Variants in ADAM18 observed in about 807,000 individuals in gnomAD.
The protein encoded by ADAM18 is disintegrin and metalloproteinase domain-containing protein 18.
In ADAM18, 117 loss-of-function variants were observed where a neutral mutation model predicts 94.4. That is an observed-to-expected ratio of 1.24 (90% CI 1.07 to 1.45). ADAM18 has a LOEUF of 1.45. Ranked by LOEUF, ADAM18 falls within the 40% of genes most tolerant of loss-of-function variation. The pLI is 0.00. For synonymous variants in ADAM18, 327 were observed against 291.6 expected (o/e 1.12, Z -1.24); for missense variants, 936 against 880.0 (o/e 1.06, Z -0.81).
intron 2 of ADAM18, among the ~76,000 whole-genome samples, chr8:39,598,111 T>C (rs1235476542): frequency 6.6e-6 from 1 of 152,218 alleles, no homozygotes; most frequent in East Asian, 1.9e-4. Context: ...CTTTTGTATG[T>C]TTACCTTCTA....
At chr8:39,608,537 A>G (rs897079815) in intron 3 of ADAM18, among the ~76,000 whole-genome samples, 11 of 152,126 alleles carry the variant, frequency 7.2e-5, no homozygotes, top group Admixed American at 1.3e-4. Context: ...TTTCTAGAAT[A>G]ACACTTCTGT....
intron 17 of ADAM18, among the ~76,000 whole-genome samples, chr8:39,699,962 C>T (rs545257728): frequency 6.6e-6 from 1 of 152,166 alleles, no homozygotes; most frequent in South Asian, 2.1e-4. Flanking sequence ...AAGAGGGACA[C>T]AAAGATTACA....
intron 17 of ADAM18, among the ~76,000 whole-genome samples, chr8:39,704,059 G>A (rs1822159385): frequency 6.6e-6 from 1 of 151,924 alleles, no homozygotes; most frequent in South Asian, 2.1e-4. Flanking sequence ...CTGAAATTGG[G>A]GCAGTAATAA....
intron 12 of ADAM18, among the ~76,000 whole-genome samples, chr8:39,656,051 C>T (rs2129579837): frequency 6.6e-6 from 1 of 151,746 alleles, no homozygotes; most frequent in African/African-American, 2.4e-5. Flanking sequence ...ATTTTTTGTC[C>T]AAATTCATCA....
chr8:39,596,291 A>C (rs895219380), intron 2 of ADAM18, among the ~76,000 whole-genome samples: 1 of 152,196 alleles, frequency 6.6e-6, no homozygotes, highest in African/African-American at 2.4e-5. Flanking sequence ...TATCATACAG[A>C]ATAAGTTCAC....
intron 12 of ADAM18, among the ~76,000 whole-genome samples, chr8:39,649,380 G>GTATA (rs149372125): frequency 0.013 from 1,977 of 150,140 alleles, 26 homozygotes; most frequent in South Asian, 0.025. Context: ...ACACATACAT[G>GTATA]TATATATATA....
chr8:39,719,421 G>C (rs1303660351), intron 18 of ADAM18, among the ~76,000 whole-genome samples: 2 of 151,180 alleles, frequency 1.3e-5, no homozygotes, highest in Non-Finnish European at 3.0e-5. Flanking sequence ...AGATTTTGTA[G>C]ATATGACACC....
At chr8:39,677,239 T>C (rs181291801) in intron 14 of ADAM18, among the ~76,000 whole-genome samples, 192 bp from the exon 15 acceptor site, 2 of 152,320 alleles carry the variant, frequency 1.3e-5, no homozygotes, top group Admixed American at 1.3e-4. Context: ...TTGCAATAGA[T>C]ATAATCATTT....
intron 4 of ADAM18, 64 bp from the exon 5 acceptor site, chr8:39,609,421 G>C: frequency 9.1e-7 from 1 of 1,098,474 alleles, no homozygotes; most frequent in South Asian, 1.3e-5. Flanking sequence ...CTTCTGACAT[G>C]TTTGACAATA....
At chr8:39,634,464 C>T (rs1381545723) in intron 7 of ADAM18, among the ~76,000 whole-genome samples, 1 of 152,172 alleles carries the variant, frequency 6.6e-6, no homozygotes, top group Non-Finnish European at 1.5e-5. Context: ...ACATGGGCTG[C>T]ACACAGCAAA....
intron 2 of ADAM18, among the ~76,000 whole-genome samples, chr8:39,587,165 T>G (rs956184096): frequency 1.3e-5 from 2 of 152,240 alleles, no homozygotes; most frequent in Admixed American, 1.3e-4. Context: ...ACAGTCGATG[T>G]ACTAAACATA....
intron 7 of ADAM18, among the ~76,000 whole-genome samples, chr8:39,633,000 A>G (rs1031364200): frequency 1.3e-5 from 2 of 152,148 alleles, no homozygotes; most frequent in African/African-American, 4.8e-5. Context: ...TCCTTCCCTC[A>G]TGTATGGGAT....
chr8:39,701,351 T>C (rs1440418553), intron 17 of ADAM18, among the ~76,000 whole-genome samples: 1 of 151,916 alleles, frequency 6.6e-6, no homozygotes, highest in African/African-American at 2.4e-5. Context: ...TTTCACTTTT[T>C]AATACGTTGT....
In ADAM18 at chr8:39,680,227, G is replaced by T; in HGVS notation, c.1821+1G>T. ...TGGCACCATGTGTGGTCCAGAAATGGTAACAAAATGTGATAATTTATATTC... is the reference window on the plus strand; with the variant it reads ...TGGCACCATGTGTGGTCCAGAAATGTTAACAAAATGTGATAATTTATATTC... On this transcript the variant is annotated splice_donor_variant, in intron 16 of 19. Coordinates refer to ENST00000265707, the MANE Select transcript of ADAM18 (RefSeq NM_014237.3). LOFTEE classifies it high-confidence loss of function. The T allele has an allele frequency of 6.2e-7, 1 of 1,605,376 alleles. No individual in the cohort carries two copies. Among genetic ancestry groups the T allele is most frequent in the South Asian group, 1.1e-5 (1 of 89,740 alleles).
intron 6 of ADAM18, among the ~76,000 whole-genome samples, chr8:39,621,647 G>A (rs372001389): frequency 3.9e-4 from 59 of 151,886 alleles, no homozygotes; most frequent in African/African-American, 1.3e-3. Flanking sequence ...AGAATATAAA[G>A]TCACAATAGT....
intron 16 of ADAM18, among the ~76,000 whole-genome samples, chr8:39,688,566 A>AT (rs1043335715): frequency 1.3e-4 from 19 of 151,910 alleles, no homozygotes; most frequent in African/African-American, 3.6e-4. Flanking sequence ...ACATGACCTC[A>AT]TTTTTTTTAT....
chr8:39,694,664 G>A (rs1462904381), intron 17 of ADAM18, among the ~76,000 whole-genome samples: 1 of 151,320 alleles, frequency 6.6e-6, no homozygotes, highest in East Asian at 1.9e-4. Flanking sequence ...AAGTACAGTG[G>A]ACTACAATAT....
At chr8:39,644,352 G>A (rs1485159506) in intron 10 of ADAM18, among the ~76,000 whole-genome samples, 1 of 152,088 alleles carries the variant, frequency 6.6e-6, no homozygotes, top group Non-Finnish European at 1.5e-5. Context: ...GAGTACAGTG[G>A]TGCAATCAGC....
chr8:39,697,462 G>T (rs1821955893), intron 17 of ADAM18, among the ~76,000 whole-genome samples: 1 of 151,118 alleles, frequency 6.6e-6, no homozygotes, highest in African/African-American at 2.4e-5. Context: ...AATTTTCCTT[G>T]TGATTTCTTT....
Sources: allele counts gnomAD v4.1 joint callset (sites outside exome capture counted in the v4.1 genomes callset), GRCh38; gene constraint gnomAD v4.1.1; transcripts MANE v1.5; gene names NCBI Gene and HGNC (gene_info 2026-07-23, HGNC 2026-07-21).